The following PARD3B variants were observed in gnomAD, a reference collection of about 807,000 sequenced individuals.
PARD3B encodes the protein partitioning defective 3 homolog B.
In PARD3B, 103 loss-of-function variants were observed where a neutral mutation model predicts 130.2. The ratio of observed to expected loss-of-function variants is 0.79; its 90% CI spans 0.67 to 0.93. The LOEUF (loss-of-function observed/expected upper bound fraction) is 0.93. Ranked by LOEUF, PARD3B falls within the 40% of genes least tolerant of loss-of-function variation. The pLI, the probability that PARD3B is intolerant of heterozygous loss-of-function variation, is 0.00. For synonymous variants in PARD3B, 583 were observed against 553.2 expected (o/e 1.05, Z -0.76); for missense variants, 1,609 against 1,499.2 (o/e 1.07, Z -1.21).
chr2:205,612,688 A>G (rs2055278041), intron 22 of PARD3B, among the ~76,000 whole-genome samples: 1 of 152,200 alleles, frequency 6.6e-6, no homozygotes, highest in Non-Finnish European at 1.5e-5. Context: ...AACTGTTATG[A>G]TGAGTTCCAC....
At position 204,545,683 on chromosome 2, in the gene PARD3B, C is replaced by A. The variant is rs374178145; in HGVS notation, c.-317C>A. 7.7e-3 allele frequency: 1,824 copies of A among 236,574 alleles called. 10 individuals carry two copies. Among genetic ancestry groups the A allele is most frequent in the Non-Finnish European group, 0.011 (1,312 of 123,606 alleles). The allele number at this position is 236,574 out of a possible 1,614,324, so 14.7% of individuals were successfully genotyped here. On this transcript the variant is annotated 5_prime_UTR_variant, in exon 1 of 23. Coordinates refer to ENST00000406610, the MANE Select transcript of PARD3B (RefSeq NM_001302769.2). ...CAGTTTCGCTTTGGTGGGCGCGGAG[C>A]AGCCGCCTGGGCCGGGCAGGAGTAG...
At chr2:204,635,208 A>G (rs981056808) in intron 1 of PARD3B, among the ~76,000 whole-genome samples, 4 of 152,114 alleles carry the variant, frequency 2.6e-5, no homozygotes, top group African/African-American at 9.7e-5. Context: ...CTATGACAAA[A>G]TCTTTCAGGC....
chr2:204,830,752 T>C (rs1448703668), intron 2 of PARD3B, among the ~76,000 whole-genome samples: 1 of 152,188 alleles, frequency 6.6e-6, no homozygotes, highest in African/African-American at 2.4e-5. Context: ...CTGTCCAGCT[T>C]GGAGGAACTT....
chr2:205,504,505 G>T (rs1018496525), intron 21 of PARD3B, among the ~76,000 whole-genome samples: 36 of 152,310 alleles, frequency 2.4e-4, no homozygotes, highest in African/African-American at 7.5e-4. Context: ...CTGACAAAGA[G>T]CTAATATCCA....
At chr2:205,408,068 G>A (rs892405741) in intron 19 of PARD3B, among the ~76,000 whole-genome samples, 1 of 152,190 alleles carries the variant, frequency 6.6e-6, no homozygotes, top group Admixed American at 6.5e-5. Context: ...GTCTAAGTGA[G>A]AGTGAAGCTA....
intron 2 of PARD3B, among the ~76,000 whole-genome samples, chr2:204,825,556 G>A (rs1269469523): frequency 1.3e-5 from 2 of 152,184 alleles, no homozygotes; most frequent in Non-Finnish European, 1.5e-5. Context: ...ACTTCTTTGC[G>A]AGCTCTTTCA....
At chr2:205,193,532 T>C (rs1488333140) in intron 15 of PARD3B, among the ~76,000 whole-genome samples, 1 of 152,234 alleles carries the variant, frequency 6.6e-6, no homozygotes, top group Non-Finnish European at 1.5e-5. Flanking sequence ...GTGATTTATT[T>C]TTACAAAGTG....
intron 18 of PARD3B, among the ~76,000 whole-genome samples, chr2:205,380,717 T>C (rs1440412862): frequency 9.8e-6 from 1 of 101,832 alleles, no homozygotes; most frequent in Non-Finnish European, 1.7e-5. Context: ...ATACATTATA[T>C]ATACTATATA....
Position 204,956,465 on chromosome 2 carries a change from A to T in PARD3B, c.223-8687A>T, listed in dbSNP as rs236818. Among the ~76,000 whole-genome samples, 8 of 151,742 alleles carry T rather than the reference A, an allele frequency of 5.3e-5. No individual in the cohort carries two copies. In the South Asian group the frequency reaches 1.2e-3, roughly 24 times the overall value. Reference sequence around the variant, plus strand: ...TTCAAATAGAATATTCTTTAAAAAAAGCAGGTAAGATGTGTGTAATTTAGT... The same window carrying T: ...TTCAAATAGAATATTCTTTAAAAAATGCAGGTAAGATGTGTGTAATTTAGT... On this transcript the variant is annotated intron_variant, in intron 2 of 22. Transcript: ENST00000406610.
chr2:205,086,094 A>G (rs992343618), intron 4 of PARD3B, among the ~76,000 whole-genome samples: 2 of 152,214 alleles, frequency 1.3e-5, no homozygotes, highest in African/African-American at 4.8e-5. Flanking sequence ...CTTTATTAGT[A>G]GGTGCAGTTT....
intron 2 of PARD3B, among the ~76,000 whole-genome samples, chr2:204,938,607 A>G (rs1328094767): frequency 2.6e-5 from 4 of 152,206 alleles, no homozygotes; most frequent in Admixed American, 2.6e-4. Context: ...CTTATTCACT[A>G]GACTAGGGCT....
chr2:205,375,647 A>G (rs1340449460), intron 18 of PARD3B, among the ~76,000 whole-genome samples: 3 of 152,206 alleles, frequency 2.0e-5, no homozygotes, highest in African/African-American at 7.2e-5. Flanking sequence ...CACTGGCAGC[A>G]GGATGGAATT....
chr2:204,671,588 G>T (rs767489838), intron 1 of PARD3B, among the ~76,000 whole-genome samples: 3 of 152,044 alleles, frequency 2.0e-5, no homozygotes, highest in Non-Finnish European at 2.9e-5. Flanking sequence ...TTTCCTGTCT[G>T]CATGTTGTGA....
rs142540722 is a variant in PARD3B at position 204,634,168 on chromosome 2, A to G, written c.121-52013A>G. Among the ~76,000 whole-genome samples, 22 of 152,094 alleles carry G rather than the reference A, an allele frequency of 1.4e-4. No homozygotes were observed. The East Asian group carries it at 4.3e-3, about 29-fold the overall frequency. On this transcript the variant is annotated intron_variant, in intron 1 of 22. Transcript: ENST00000406610. Reference sequence around the variant, plus strand: ...TTATCCTTCCAAGCCTCTAGTAACCATCCTTCTATTCTGTATATCCCTGAG... The same window carrying G: ...TTATCCTTCCAAGCCTCTAGTAACCGTCCTTCTATTCTGTATATCCCTGAG...
chr2:204,978,180 G>A (rs568245499), intron 3 of PARD3B, among the ~76,000 whole-genome samples: 8 of 152,174 alleles, frequency 5.3e-5, no homozygotes, highest in South Asian at 2.1e-4. Flanking sequence ...CTGGGGAGTG[G>A]CATTGGAGAG....
At chr2:204,733,535 G>A (rs1169385679) in intron 2 of PARD3B, among the ~76,000 whole-genome samples, 1 of 144,602 alleles carries the variant, frequency 6.9e-6, no homozygotes, top group African/African-American at 2.6e-5. Context: ...TCAGGTATAA[G>A]CTGATTCTAA....
chr2:205,116,331 A>G lies in PARD3B; in HGVS notation c.681-2590A>G, dbSNP rs889187589. On this transcript the variant is annotated intron_variant, in intron 6 of 22. Coordinates refer to ENST00000406610, the MANE Select transcript of PARD3B (RefSeq NM_001302769.2). This position sits in a 1 kb window ranked among gnomAD's most constrained non-coding sequence, Gnocchi z 4.5. The stretch of plus-strand genomic sequence containing the variant: ...AAGGAGAAGGACTGGATGAAGGCTG[A>G]TAAAGACTGTGAGAAGAGATGTTCA... Among the ~76,000 whole-genome samples, 10 of 152,190 alleles carry G rather than the reference A, an allele frequency of 6.6e-5. No individual in the cohort carries two copies. The highest frequency in any genetic ancestry group is 1.2e-4 in the Non-Finnish European group (8 of 68,026).
rs1689064494 is a variant in PARD3B at position 204,943,350 on chromosome 2, A to T, written c.223-21802A>T. Among the ~76,000 whole-genome samples, 1 of 152,090 alleles carries T rather than the reference A, an allele frequency of 6.6e-6. No homozygotes were observed. The highest frequency in any genetic ancestry group is 2.4e-5 in the African/African-American group (1 of 41,418). Reference sequence around the variant, plus strand: ...TGACCTATGATGAGAAAGAGGTTAGAGGTAGACTGGCTGCTGGAAAAGAGA... The same window carrying T: ...TGACCTATGATGAGAAAGAGGTTAGTGGTAGACTGGCTGCTGGAAAAGAGA... On this transcript the variant is annotated intron_variant, in intron 2 of 22. Coordinates refer to ENST00000406610, the MANE Select transcript of PARD3B (RefSeq NM_001302769.2). This position sits in a 1 kb window ranked among gnomAD's most constrained non-coding sequence, Gnocchi z 4.2.
At chr2:205,185,737 A>G (rs2036059824) in intron 13 of PARD3B, 27 bp from the exon 14 acceptor site, 1 of 1,596,348 alleles carries the variant, frequency 6.3e-7, no homozygotes, top group Admixed American at 1.7e-5. Context: ...TCCACTTTAT[A>G]CAGCTTCATT....
Sources: allele counts gnomAD v4.1 joint callset (sites outside exome capture counted in the v4.1 genomes callset), GRCh38; gene constraint gnomAD v4.1.1; non-coding constraint Gnocchi (gnomAD v3.1); transcripts MANE v1.5; gene names NCBI Gene and HGNC (gene_info 2026-07-23, HGNC 2026-07-21).